Variants in ETNPPL observed in about 807,000 individuals in gnomAD.
ETNPPL encodes alanine--glyoxylate aminotransferase 2-like 1.
ETNPPL carries 30 observed loss-of-function variants against 55.5 expected under a neutral mutation model. The ratio of observed to expected loss-of-function variants is 0.54; its 90% CI spans 0.40 to 0.73. The LOEUF (loss-of-function observed/expected upper bound fraction) is 0.73, where lower values mean the gene tolerates loss of function less well. Ranked by LOEUF, ETNPPL falls within the 30% of genes least tolerant of loss-of-function variation. The probability of loss-of-function intolerance (pLI) is 0.00; values close to 1 mark genes in which losing one functional copy is unlikely to be tolerated. For missense variants in ETNPPL, 528 were observed against 607.9 expected, an observed-to-expected ratio of 0.87 and a Z score of 1.38; for synonymous variants, 202 against 207.2, an observed-to-expected ratio of 0.98 and a Z score of 0.21.
At chr4:108,752,386 GCT>G (rs1560655064) in intron 6 of ETNPPL, among the ~76,000 whole-genome samples, 2 of 152,248 alleles carry the variant, frequency 1.3e-5, no homozygotes, top group Admixed American at 1.3e-4. Flanking sequence ...ATTTTTTCCT[GCT>G]CTCAAGGATT....
At position 108,746,855 on chromosome 4, in the gene ETNPPL, C is replaced by T. The variant is rs1316402165; in HGVS notation, c.1083-4G>A. 7.5e-6 allele frequency: 12 copies of T among 1,610,122 alleles called. 1 individual carries two copies. The highest frequency in any genetic ancestry group is 5.4e-5 in the African/African-American group (4 of 74,694). On this transcript the variant is annotated splice_region_variant and splice_polypyrimidine_tract_variant and intron_variant, in intron 9 of 12. Coordinates refer to ENST00000296486, the MANE Select transcript of ETNPPL (RefSeq NM_031279.4). Reference sequence around the variant, plus strand: ...TCCAATAAAAAGGCCAATGCCCCTGCGAGAGGTGAAGAAAAACTTGACCCA... The same window carrying T: ...TCCAATAAAAAGGCCAATGCCCCTGTGAGAGGTGAAGAAAAACTTGACCCA...
In ETNPPL at chr4:108,763,011, C is replaced by T. The variant is rs1729596885; in HGVS notation, c.-113G>A. ...GCCGGCCTTCCTCCCGTTATCCCTC[C>T]TGGCGTTCTCTTGCCCGGGGCGTCG... On this transcript the variant is annotated 5_prime_UTR_variant, in exon 1 of 13. Transcript: ENST00000296486. The T allele has an allele frequency of 4.2e-6, 4 of 951,932 alleles. No individual in the cohort carries two copies. Among genetic ancestry groups the T allele is most frequent in the Middle Eastern group, 2.2e-4 (1 of 4,628 alleles). The allele number at this position is 951,932 out of a possible 1,614,324, so 59.0% of individuals were successfully genotyped here.
intron 1 of ETNPPL, 80 bp from the exon 2 acceptor site, chr4:108,760,386 G>T: frequency 1.4e-6 from 1 of 689,930 alleles, no homozygotes; most frequent in African/African-American, 1.7e-5. Flanking sequence ...GTCCCCATCA[G>T]TGGAAAAGTA....
rs769456645 is a variant in ETNPPL at position 108,749,298 on chromosome 4, C to T, written c.867G>A (p.Val289=). 3.1e-6 allele frequency: 5 copies of T among 1,614,062 alleles called. No homozygotes were observed. The highest frequency in any genetic ancestry group is 2.5e-6 in the Non-Finnish European group (3 of 1,180,004). The change falls in exon 8 of 13, where the codon GTG becomes GTA. Residue 289 remains valine, a synonymous_variant. Coordinates refer to ENST00000296486, the MANE Select transcript of ETNPPL (RefSeq NM_031279.4). ...PMGNGHPVAC[V]VTTKEIAEAF... is the part of the protein sequence containing the mutation. ...CTTCTGCAATTTCTTTGGTTGTTAC[C>T]ACACATGCCACCGGGTGGCCGTTGC... is the stretch of plus-strand genomic sequence containing the variant.
chr4:108,751,054 T>C, intron 6 of ETNPPL, 36 bp from the exon 7 acceptor site: 1 of 1,479,206 alleles, frequency 6.8e-7, no homozygotes, highest in Non-Finnish European at 9.4e-7. Flanking sequence ...GTCCATTAGG[T>C]CCCCCTACAA....
intron 1 of ETNPPL, among the ~76,000 whole-genome samples, 172 bp from the exon 2 acceptor site, chr4:108,760,478 T>G (rs1275622766): frequency 6.6e-6 from 1 of 152,250 alleles, no homozygotes; most frequent in African/African-American, 2.4e-5. Context: ...AACTTTTATG[T>G]TAATCCCCCA....
chr4:108,750,016 T>G (rs565707147), intron 7 of ETNPPL, among the ~76,000 whole-genome samples: 2 of 152,302 alleles, frequency 1.3e-5, no homozygotes, highest in African/African-American at 4.8e-5. Context: ...CCCAGTCCTA[T>G]TACCATATTA....
At chr4:108,755,125 A>G (rs933003127) in intron 4 of ETNPPL, among the ~76,000 whole-genome samples, 6 of 152,256 alleles carry the variant, frequency 3.9e-5, no homozygotes, top group Admixed American at 6.5e-5. Context: ...ACAACTTTAT[A>G]TCATAGAATG....
intron 4 of ETNPPL, 187 bp from the exon 5 acceptor site, chr4:108,754,897 T>C (rs1193512362): frequency 2.0e-6 from 1 of 510,918 alleles, no homozygotes; most frequent in African/African-American, 2.0e-5. Context: ...TGTGTACAAT[T>C]CTTCTTTTAC....
At chr4:108,755,681 A>T (rs1729163649) in intron 4 of ETNPPL, among the ~76,000 whole-genome samples, 1 of 152,148 alleles carries the variant, frequency 6.6e-6, no homozygotes, top group African/African-American at 2.4e-5. Context: ...TTAGTTGGGC[A>T]TGGCAGCGGG....
intron 9 of ETNPPL, among the ~76,000 whole-genome samples, 163 bp from the exon 10 acceptor site, chr4:108,747,014 T>C (rs1728539856): frequency 6.6e-6 from 1 of 150,598 alleles, no homozygotes; most frequent in African/African-American, 2.4e-5. Context: ...GGAAATAAAT[T>C]AGTTTTTGTC....
At chr4:108,754,546 G>T in intron 5 of ETNPPL, 74 bp downstream of exon 5, 1 of 843,032 alleles carries the variant, frequency 1.2e-6, no homozygotes, top group South Asian at 1.5e-5. Flanking sequence ...TCATCTAGAT[G>T]AAAGCATTGG....
Position 108,749,353 on chromosome 4 carries a change from G to A in ETNPPL, c.812C>T (p.Pro271Leu). The A allele has an allele frequency of 6.2e-7, 1 of 1,614,010 alleles. No homozygotes were observed. The highest frequency in any genetic ancestry group is 8.5e-7 in the Non-Finnish European group (1 of 1,179,976). Residue 271 changes from proline to leucine, a missense_variant, in exon 8 of 13, where the codon CCA (proline) becomes CTA (leucine). By Grantham distance (98) the Pro-to-Leu change is moderately conservative. Coordinates refer to ENST00000296486, the MANE Select transcript of ETNPPL (RefSeq NM_031279.4). ...SFQMYGEDFV[P>L]DIVTMGKPMG... ...CGGTTTTCCCATTGTGACGATGTCT[G>A]GAACAAAGTCTTCACCATACATCTG...
intron 9 of ETNPPL, among the ~76,000 whole-genome samples, chr4:108,747,126 A>T (rs1398338512): frequency 1.3e-4 from 6 of 44,748 alleles, no homozygotes; most frequent in African/African-American, 8.4e-4. Context: ...TGTTAACATT[A>T]TATATATATA....
chr4:108,747,209 A>G, intron 9 of ETNPPL, among the ~76,000 whole-genome samples: 2 of 3,486 alleles, frequency 5.7e-4, no homozygotes, highest in Non-Finnish European at 8.5e-4. Context: ...TATATATATA[A>G]TATATATATA....
In ETNPPL at chr4:108,756,030, T is replaced by A. The variant is rs550082134; in HGVS notation, c.410+388A>T. Among the ~76,000 whole-genome samples, 4 of 152,388 alleles carry A rather than the reference T, an allele frequency of 2.6e-5. No individual in the cohort carries two copies. The South Asian group carries it at 6.2e-4, about 24-fold the overall frequency. On this transcript the variant is annotated intron_variant, in intron 4 of 12. Transcript: ENST00000296486. ...TATCTTTAAAATTAGTGACTGCGAATAATCACAATAGTGAAGTGAATGCTT... is the reference window on the plus strand; with the variant it reads ...TATCTTTAAAATTAGTGACTGCGAAAAATCACAATAGTGAAGTGAATGCTT...
intron 5 of ETNPPL, among the ~76,000 whole-genome samples, chr4:108,754,327 A>G (rs1226327497): frequency 1.3e-5 from 2 of 152,148 alleles, no homozygotes; most frequent in African/African-American, 4.8e-5. Flanking sequence ...TTGAGTTGGC[A>G]TTTGTGATAG....
At chr4:108,752,238 C>T (rs1325160032) in intron 6 of ETNPPL, among the ~76,000 whole-genome samples, 3 of 151,750 alleles carry the variant, frequency 2.0e-5, no homozygotes, top group Non-Finnish European at 4.4e-5. Context: ...TTTAAAATAG[C>T]CAAGTCTATG....
chr4:108,742,408 G>T lies in ETNPPL; in HGVS notation c.*76C>A. On this transcript the variant is annotated 3_prime_UTR_variant, in exon 13 of 13. Transcript: ENST00000296486. ...ATTCCACCTTTAGAGGTATAATAGAGCTATTAACCGATGAGACACATCTAC... is the reference window on the plus strand; with the variant it reads ...ATTCCACCTTTAGAGGTATAATAGATCTATTAACCGATGAGACACATCTAC... 6.9e-7 allele frequency: 1 copy of T among 1,451,968 alleles called. No individual in the cohort carries two copies. The highest frequency in any genetic ancestry group is 9.6e-7 in the Non-Finnish European group (1 of 1,041,320). The allele number at this position is 1,451,968 out of a possible 1,614,324, so 89.9% of individuals were successfully genotyped here.
Sources: allele counts gnomAD v4.1 joint callset (sites outside exome capture counted in the v4.1 genomes callset), GRCh38; gene constraint gnomAD v4.1.1; transcripts MANE v1.5; gene names NCBI Gene and HGNC (gene_info 2026-07-23, HGNC 2026-07-21).